MCTP1: variants seen among roughly 807,000 people sequenced by gnomAD.
The protein encoded by MCTP1 is multiple C2 and transmembrane domain-containing protein 1.
A neutral mutation model predicts 120.6 loss-of-function variants in MCTP1; 69 were observed. The observed-to-expected ratio is 0.57, with a 90% CI of 0.47 to 0.70. MCTP1 has a LOEUF of 0.70. MCTP1 is among the 30% of genes least tolerant of loss of function. MCTP1 has a pLI of 0.00. For synonymous variants in MCTP1, 529 were observed against 493.1 expected (o/e 1.07, Z -0.96); for missense variants, 1,203 against 1,248.8 (o/e 0.96, Z 0.55).
intron 2 of MCTP1, among the ~76,000 whole-genome samples, chr5:94,961,296 T>C (rs895812755): frequency 1.3e-5 from 2 of 151,846 alleles, no homozygotes; most frequent in Non-Finnish European, 2.9e-5. Flanking sequence ...AGGGGAGGGA[T>C]AGCATTAGGA....
In MCTP1 at chr5:94,706,331, C is replaced by T. The variant is rs1320277944; in HGVS notation, c.*1165G>A. 1.3e-5 allele frequency: 2 copies of T among 151,680 alleles called. No homozygotes were observed. The highest frequency in any genetic ancestry group is 6.6e-5 in the Admixed American group (1 of 15,182). 9.4% of individuals were successfully genotyped at this position (151,680 alleles called of 1,614,324 possible). A position where few individuals can be genotyped will look rare whatever the true frequency, so the allele number is the denominator to read the frequency against. ...AACTACTTTAAGAGTCTTGGGAATGCAATTTTTAAGTATAGATTCTATGAT... is the reference window on the plus strand; with the variant it reads ...AACTACTTTAAGAGTCTTGGGAATGTAATTTTTAAGTATAGATTCTATGAT... On this transcript the variant is annotated 3_prime_UTR_variant, in exon 23 of 23. Transcript: ENST00000515393.
At chr5:94,981,293 C>T (rs1829359209) in intron 2 of MCTP1, among the ~76,000 whole-genome samples, 1 of 152,156 alleles carries the variant, frequency 6.6e-6, no homozygotes. Flanking sequence ...CTTTTTATGC[C>T]TTCTGTCTTT....
chr5:94,914,750 C>T (rs1809630821), intron 8 of MCTP1, among the ~76,000 whole-genome samples: 1 of 152,230 alleles, frequency 6.6e-6, no homozygotes, highest in Non-Finnish European at 1.5e-5. Flanking sequence ...AGCCCCTCTG[C>T]TCCTGTCTGT....
At chr5:95,249,352 T>C (rs1315020404) in intron 1 of MCTP1, among the ~76,000 whole-genome samples, 2 of 152,004 alleles carry the variant, frequency 1.3e-5, no homozygotes, top group African/African-American at 4.8e-5. Flanking sequence ...GTGAAAGATA[T>C]GAACAGATAC....
chr5:95,152,624 T>C (rs932376123), intron 1 of MCTP1, among the ~76,000 whole-genome samples: 4 of 152,206 alleles, frequency 2.6e-5, no homozygotes, highest in Non-Finnish European at 5.9e-5. Context: ...GATTCCTTTG[T>C]TTTGTTCTTT....
At chr5:95,167,351 G>T (rs1253722500) in intron 1 of MCTP1, among the ~76,000 whole-genome samples, 1 of 152,116 alleles carries the variant, frequency 6.6e-6, no homozygotes, top group Non-Finnish European at 1.5e-5. Context: ...CTATTGTGAA[G>T]AATGCTGCAA....
At chr5:95,207,437 A>C (rs1350230967) in intron 1 of MCTP1, among the ~76,000 whole-genome samples, 2 of 152,192 alleles carry the variant, frequency 1.3e-5, no homozygotes, top group Non-Finnish European at 2.9e-5. Flanking sequence ...ATCACTATGC[A>C]AACAATATTC....
intron 3 of MCTP1, among the ~76,000 whole-genome samples, chr5:94,949,980 T>C (rs777420165): frequency 6.6e-6 from 1 of 152,058 alleles, no homozygotes; most frequent in Non-Finnish European, 1.5e-5. Context: ...TATTTGATTC[T>C]TCCCCTAAGA....
In MCTP1 at chr5:95,007,237, G is replaced by A. The variant is rs546481698; in HGVS notation, c.838+10130C>T. ...AATTACCTCCCACTGGGTCCCTCCCGCGACACAGGATTATGGGAACTACAA... is the reference window on the plus strand; with the variant it reads ...AATTACCTCCCACTGGGTCCCTCCCACGACACAGGATTATGGGAACTACAA... On this transcript the variant is annotated intron_variant, in intron 2 of 22. Coordinates refer to ENST00000515393, the MANE Select transcript of MCTP1 (RefSeq NM_024717.7). Among the ~76,000 whole-genome samples, 73 of 152,166 alleles carry A rather than the reference G, an allele frequency of 4.8e-4. No individual in the cohort carries two copies. The South Asian group carries it at 1.0e-2, about 21-fold the overall frequency.
rs1456248722 is a variant in MCTP1 at position 94,705,474 on chromosome 5, A to G, written c.*2022T>C. The stretch of plus-strand genomic sequence containing the variant: ...CAAGTGACATATAGTTTTTAAGAAT[A>G]TGCACACAATCCCTCATCAATCTCT... On this transcript the variant is annotated 3_prime_UTR_variant, in exon 23 of 23. Transcript: ENST00000515393. The G allele has an allele frequency of 6.7e-6, 1 of 148,990 alleles. No individual in the cohort carries two copies. Among genetic ancestry groups the G allele is most frequent in the African/African-American group, 2.5e-5 (1 of 40,596 alleles). The allele number at this position is 148,990 out of a possible 1,614,324, so 9.2% of individuals were successfully genotyped here. A position where few individuals can be genotyped will look rare whatever the true frequency, so the allele number is the denominator to read the frequency against.
chr5:94,960,670 T>C (rs1823901923), intron 2 of MCTP1, among the ~76,000 whole-genome samples: 1 of 152,056 alleles, frequency 6.6e-6, no homozygotes, highest in Non-Finnish European at 1.5e-5. Flanking sequence ...GAAAAAAAGC[T>C]CATCATCACT....
chr5:94,975,234 C>A (rs1416703941), intron 2 of MCTP1, among the ~76,000 whole-genome samples: 1 of 151,908 alleles, frequency 6.6e-6, no homozygotes, highest in Non-Finnish European at 1.5e-5. Context: ...TTTATACCCC[C>A]GCAACTCCCT....
intron 1 of MCTP1, among the ~76,000 whole-genome samples, chr5:95,136,556 T>C (rs1223314655): frequency 1.3e-5 from 2 of 150,800 alleles, no homozygotes; most frequent in Non-Finnish European, 3.0e-5. Context: ...GGGAGGGAAG[T>C]GGGGAAGGGA....
intron 17 of MCTP1, among the ~76,000 whole-genome samples, chr5:94,817,955 C>G (rs539641838): frequency 1.3e-5 from 2 of 152,260 alleles, no homozygotes; most frequent in African/African-American, 4.8e-5. Flanking sequence ...GGACATTTGA[C>G]CCAGACCTGG....
Position 94,893,034 on chromosome 5 carries a change from G to A in MCTP1, c.1839+1615C>T, listed in dbSNP as rs144704272. Among the ~76,000 whole-genome samples, 1,414 of 152,276 alleles carry A rather than the reference G, an allele frequency of 9.3e-3. 7 individuals carry two copies. The highest frequency in any genetic ancestry group is 0.015 in the Non-Finnish European group (1,011 of 68,006). On this transcript the variant is annotated intron_variant, in intron 11 of 22. Coordinates refer to ENST00000515393, the MANE Select transcript of MCTP1 (RefSeq NM_024717.7). ...GCCTGAAATTCAAGGCTGAAAAAAA[G>A]TATATTTAAACATAGTTCATTTTTG... is the stretch of plus-strand genomic sequence containing the variant.
chr5:94,990,101 G>T (rs549370728), intron 2 of MCTP1, among the ~76,000 whole-genome samples: 2 of 152,280 alleles, frequency 1.3e-5, no homozygotes, highest in South Asian at 2.1e-4. Flanking sequence ...GTAGCTGGTT[G>T]GTCAAAAGTA....
chr5:95,114,877 C>T lies in MCTP1; in HGVS notation c.721-97393G>A, dbSNP rs77157070. On this transcript the variant is annotated intron_variant, in intron 1 of 22. Transcript: ENST00000515393. ...TGCTGTGCTGGCTACAGGACTGACC[C>T]AGCACAGACACAGTGGTGCTTGTGT... Among the ~76,000 whole-genome samples the T allele has an allele frequency of 9.4e-3, 1,426 of 152,270 alleles. 14 individuals carry two copies. The highest frequency in any genetic ancestry group is 0.015 in the Non-Finnish European group (1,031 of 68,014).
At chr5:94,843,504 C>T (rs576778476) in intron 17 of MCTP1, among the ~76,000 whole-genome samples, 2 of 152,218 alleles carry the variant, frequency 1.3e-5, no homozygotes, top group African/African-American at 2.4e-5. Context: ...AAGGAGTGTA[C>T]GTAAGACACA....
chr5:95,147,950 G>A (rs1336854467), intron 1 of MCTP1, among the ~76,000 whole-genome samples: 3 of 152,100 alleles, frequency 2.0e-5, no homozygotes, highest in Non-Finnish European at 2.9e-5. Flanking sequence ...TTTCTCCTTT[G>A]CTTATGAAGC....
Sources: gnomAD v4.1 joint callset for allele counts (sites outside exome capture counted in the v4.1 genomes callset) on GRCh38, gnomAD v4.1.1 for gene constraint, MANE v1.5 for transcripts, NCBI Gene and HGNC (gene_info 2026-07-23, HGNC 2026-07-21) for gene names.